Variants in RTCA observed in about 807,000 individuals in gnomAD.
RTCA encodes RNA terminal phosphate cyclase domain 1.
Under a neutral mutation model 46.1 loss-of-function variants are expected in RTCA, and 37 were observed. The ratio of observed to expected loss-of-function variants is 0.80; its 90% confidence interval spans 0.62 to 1.06. RTCA has a LOEUF of 1.06. Ranked by LOEUF, RTCA falls within the 50% of genes least tolerant of loss-of-function variation. RTCA has a pLI of 0.00. For missense variants in RTCA, 435 were observed against 455.5 expected (o/e 0.95, Z 0.41); for synonymous variants, 164 against 158.3 (o/e 1.04, Z -0.27).
chr1:100,278,654 C>T (rs1666530514), intron 8 of RTCA, among the ~76,000 whole-genome samples: 2 of 152,092 alleles, frequency 1.3e-5, no homozygotes, highest in African/African-American at 4.8e-5. Flanking sequence ...GCTGTTAAGC[C>T]ACACTATTAC....
chr1:100,289,089 G>T (rs1317703642), intron 10 of RTCA, among the ~76,000 whole-genome samples: 1 of 151,658 alleles, frequency 6.6e-6, no homozygotes, highest in Non-Finnish European at 1.5e-5. Context: ...CTCCCAAAGT[G>T]CAGGGATTAC....
chr1:100,267,770 A>G (rs1665872373), intron 2 of RTCA, among the ~76,000 whole-genome samples: 1 of 152,118 alleles, frequency 6.6e-6, no homozygotes, highest in Non-Finnish European at 1.5e-5. Flanking sequence ...GGAGGGTTAC[A>G]GTCTCAGCAT....
intron 7 of RTCA, 58 bp downstream of exon 7, chr1:100,275,781 A>T: frequency 7.0e-7 from 1 of 1,420,386 alleles, no homozygotes; most frequent in Non-Finnish European, 9.5e-7. Context: ...TTATCTAATT[A>T]AATTAAAGAT....
rs373519768 is a variant in RTCA, at chr1:100,291,371, G to C, written c.1000-32G>C. 4.1e-5 allele frequency: 58 copies of C among 1,424,426 alleles called. No homozygotes were observed. In the African/African-American group the frequency reaches 6.7e-4, roughly 17 times the overall value. 88.2% of individuals were successfully genotyped at this position (1,424,426 alleles called of 1,614,324 possible). ...TGGGCTCTTTCCTCCATCTCTCTTC[G>C]TATTACTTATATACTCCTCTTCTGA... On this transcript the variant is annotated intron_variant, in intron 10 of 10. Coordinates refer to ENST00000370128, the MANE Select transcript of RTCA (RefSeq NM_003729.4).
intron 6 of RTCA, among the ~76,000 whole-genome samples, chr1:100,275,292 T>TGTGAACATTCAC (rs1666312322): frequency 2.6e-5 from 4 of 152,182 alleles, no homozygotes; most frequent in Admixed American, 2.0e-4. Context: ...GTTCACTACC[T>TGTGAACATTCAC]AGGTGATGGG....
At chr1:100,290,510 C>T (rs1667284653) in intron 10 of RTCA, among the ~76,000 whole-genome samples, 1 of 152,188 alleles carries the variant, frequency 6.6e-6, no homozygotes, top group South Asian at 2.1e-4. Flanking sequence ...ATGACTCATG[C>T]CTGTAATCCC....
intron 10 of RTCA, 121 bp from the exon 11 acceptor site, chr1:100,291,282 T>G: frequency 1.6e-6 from 1 of 606,076 alleles, no homozygotes; most frequent in Non-Finnish European, 2.9e-6. Flanking sequence ...GATCTTTGTG[T>G]CTCTGTAGGT....
At chr1:100,275,201 A>C (rs1216630789) in intron 6 of RTCA, among the ~76,000 whole-genome samples, 1 of 152,182 alleles carries the variant, frequency 6.6e-6, no homozygotes, top group African/African-American at 2.4e-5. Flanking sequence ...ATACACATGG[A>C]CATAAAGATG....
chr1:100,285,266 A>T lies in RTCA; in HGVS notation c.838A>T (p.Met280Leu), dbSNP rs746314245. The change falls in exon 9 of 11, where the codon ATG becomes TTG. Residue 280 changes from methionine (M) to leucine (L), a missense_variant. Coordinates refer to ENST00000370128, the MANE Select transcript of RTCA (RefSeq NM_003729.4). ...CAAAGTTGGAATTGAAGCTGCCGAA[A>T]TGCTATTAGCAAATCTTAGACATGG... is the stretch of plus-strand genomic sequence containing the variant. ...ADKVGIEAAE[M>L]LLANLRHGGT... 1.9e-6 allele frequency: 3 copies of T among 1,613,890 alleles called. No individual in the cohort carries two copies. The highest frequency in any genetic ancestry group is 2.5e-6 in the Non-Finnish European group (3 of 1,179,860).
chr1:100,266,265 C>CAAA lies in RTCA; in HGVS notation c.-111_-110insAAA. 1.9e-6 allele frequency: 2 copies of CAAA among 1,065,376 alleles called. No individual in the cohort carries two copies. The highest frequency in any genetic ancestry group is 3.1e-5 in the South Asian group (2 of 63,668). 66.0% of individuals were successfully genotyped at this position (1,065,376 alleles called of 1,614,324 possible). ...TCCGCTTTCTCGTCAGGCTCCTGCG[C>CAAA]CCCAGGCATGAACCAAGGTTTCTGA... On this transcript the variant is annotated 5_prime_UTR_variant, in exon 1 of 11. Transcript: ENST00000370128.
chr1:100,268,002 C>T, intron 2 of RTCA, 150 bp from the exon 3 acceptor site: 4 of 1,147,734 alleles, frequency 3.5e-6, no homozygotes, highest in South Asian at 1.6e-5. Flanking sequence ...TGCATAAAAA[C>T]CCAAAAGGAA....
intron 8 of RTCA, among the ~76,000 whole-genome samples, chr1:100,284,989 G>A (rs553924947): frequency 2.6e-5 from 4 of 152,224 alleles, no homozygotes; most frequent in South Asian, 2.1e-4. Flanking sequence ...TTTTAAATAG[G>A]ACTAATGAAG....
chr1:100,273,578 T>C, intron 5 of RTCA, 126 bp downstream of exon 5: 2 of 506,258 alleles, frequency 4.0e-6, no homozygotes, highest in Non-Finnish European at 6.8e-6. Context: ...TAAGAAGTAA[T>C]TGTACTTTGT....
At chr1:100,268,350 C>A in intron 3 of RTCA, 55 bp downstream of exon 3, 1 of 1,445,250 alleles carries the variant, frequency 6.9e-7, no homozygotes, top group Non-Finnish European at 9.4e-7. Context: ...CCAGGTTTTG[C>A]CACTTTCTGG....
Position 100,291,604 on chromosome 1 carries a change from A to T in RTCA, c.*100A>T. Reference sequence around the variant, plus strand: ...AGTAACTTATTAAAGGCTATGACTTAAATTTGAAGATGAAGTACAGTGTTC... The same window carrying T: ...AGTAACTTATTAAAGGCTATGACTTTAATTTGAAGATGAAGTACAGTGTTC... On this transcript the variant is annotated 3_prime_UTR_variant, in exon 11 of 11. Transcript: ENST00000370128. The T allele has an allele frequency of 2.7e-6, 2 of 734,090 alleles. No individual in the cohort carries two copies. Among genetic ancestry groups the T allele is most frequent in the Non-Finnish European group, 4.5e-6 (2 of 443,558 alleles). The allele number at this position is 734,090 out of a possible 1,614,324, so 45.5% of individuals were successfully genotyped here. A position where few individuals can be genotyped will look rare whatever the true frequency, so the allele number is the denominator to read the frequency against.
intron 8 of RTCA, among the ~76,000 whole-genome samples, chr1:100,278,329 G>T (rs1177782419): frequency 6.6e-6 from 1 of 152,164 alleles, no homozygotes; most frequent in Non-Finnish European, 1.5e-5. Flanking sequence ...TTTGTTTAAG[G>T]TTTGGTATAT....
In RTCA at chr1:100,270,617, A is replaced by G; in HGVS notation, c.351A>G (p.Ser117=). 1 of 1,614,186 alleles carries G rather than the reference A, an allele frequency of 6.2e-7. No individual in the cohort carries two copies. Among genetic ancestry groups the G allele is most frequent in the South Asian group, 1.1e-5 (1 of 91,086 alleles). Residue 117 remains serine, a synonymous_variant, in exon 4 of 11, where the codon TCA becomes TCG. Transcript: ENST00000370128. ...GTGTTCTCTTTGCTGCTTCTCCATCAGAACTTCATTTGAAAGGTGGAACTA... is the reference window on the plus strand; with the variant it reads ...GTGTTCTCTTTGCTGCTTCTCCATCGGAACTTCATTTGAAAGGTGGAACTA... ...MPCVLFAASP[S]ELHLKGGTNA...
intron 8 of RTCA, chr1:100,281,231 C>T: frequency 1.9e-6 from 1 of 533,198 alleles, no homozygotes; most frequent in South Asian, 1.4e-5. Flanking sequence ...ATCCTTCTAA[C>T]TATAACATTC....
chr1:100,269,329 T>G (rs1316643774), intron 3 of RTCA, among the ~76,000 whole-genome samples: 2 of 151,102 alleles, frequency 1.3e-5, no homozygotes, highest in Admixed American at 1.3e-4. Context: ...ATTACTTCAC[T>G]AAAACTTCCC....
Sources: gnomAD v4.1 joint callset for allele counts (sites outside exome capture counted in the v4.1 genomes callset) on GRCh38, gnomAD v4.1.1 for gene constraint, MANE v1.5 for transcripts, NCBI Gene and HGNC (gene_info 2026-07-23, HGNC 2026-07-21) for gene names.